Variants in EP300 observed in about 807,000 individuals in gnomAD.
EP300 encodes the protein EP300 lysine acetyltransferase, also known as histone acetyltransferase p300.
EP300 carries 31 observed loss-of-function variants against 264.0 expected under a neutral mutation model. The ratio of observed to expected loss-of-function variants is 0.12; its 90% CI spans 0.09 to 0.16. EP300 has a LOEUF of 0.16. Ranked by LOEUF, EP300 falls within the 10% of genes least tolerant of loss-of-function variation. The pLI, the probability that EP300 is intolerant of heterozygous loss-of-function variation, is 1.00. For missense variants in EP300, 2,766 were observed against 3,052.9 expected (o/e 0.91, Z 2.21); for synonymous variants, 1,340 against 1,045.4 (o/e 1.28, Z -5.44).
chr22:41,124,938 TTTTG>T (rs900888460), intron 2 of EP300, among the ~76,000 whole-genome samples: 19 of 152,148 alleles, frequency 1.2e-4, no homozygotes, highest in East Asian at 9.6e-4. Flanking sequence ...AGTGGGTTTT[TTTTG>T]TTTGTTTGTT....
chr22:41,109,608 G>A (rs1211659381), intron 1 of EP300, among the ~76,000 whole-genome samples: 1 of 152,118 alleles, frequency 6.6e-6, no homozygotes, highest in Non-Finnish European at 1.5e-5. Flanking sequence ...TGTGTGCCAG[G>A]TACTGTTCTA....
rs775974454 is a variant in EP300, at chr22:41,178,974, T to C, written c.*18T>C. Reference sequence around the variant, plus strand: ...TACACTAGAGACACCTTGTAGTATTTTGGGAGCAAAAAAATTATTTTCTCT... The same window carrying C: ...TACACTAGAGACACCTTGTAGTATTCTGGGAGCAAAAAAATTATTTTCTCT... On this transcript the variant is annotated 3_prime_UTR_variant, in exon 31 of 31. Coordinates refer to ENST00000263253, the MANE Select transcript of EP300 (RefSeq NM_001429.4). The C allele has an allele frequency of 6.4e-7, 1 of 1,561,850 alleles. No individual in the cohort carries two copies. The highest frequency in any genetic ancestry group is 8.8e-7 in the Non-Finnish European group (1 of 1,140,296).
intron 23 of EP300, 62 bp from the exon 24 acceptor site, chr22:41,168,387 G>A (rs971911318): frequency 6.3e-7 from 1 of 1,584,384 alleles, no homozygotes; most frequent in Non-Finnish European, 8.7e-7. Context: ...ATTTGAGGTT[G>A]AACCTTAAGA....
At chr22:41,150,285 T>TGGCCA in intron 14 of EP300, 87 bp downstream of exon 14, 1 of 1,420,680 alleles carries the variant, frequency 7.0e-7, no homozygotes, top group East Asian at 2.5e-5. Context: ...TCTCTTTTGC[T>TGGCCA]TTATCTCTTA....
rs147226168 is a variant in EP300 at position 41,102,583 on chromosome 22, G to A, written c.94+9485G>A. On this transcript the variant is annotated intron_variant, in intron 1 of 30. Coordinates refer to ENST00000263253, the MANE Select transcript of EP300 (RefSeq NM_001429.4). Reference sequence around the variant, plus strand: ...GACTTTCCATTTTACCCATTTAATGGATGGGGCAGAATTGTGCTTTAGGCA... The same window carrying A: ...GACTTTCCATTTTACCCATTTAATGAATGGGGCAGAATTGTGCTTTAGGCA... 3.4e-3 allele frequency among the ~76,000 whole-genome samples: 513 copies of A among 152,256 alleles called. 3 individuals are homozygous for A. The highest frequency in any genetic ancestry group is 0.012 in the African/African-American group (499 of 41,546).
intron 1 of EP300, among the ~76,000 whole-genome samples, chr22:41,107,587 T>C (rs762925188): frequency 3.9e-5 from 6 of 152,232 alleles, no homozygotes; most frequent in Non-Finnish European, 7.3e-5. Context: ...TTTTTAATGG[T>C]TCTAATTTTG....
chr22:41,148,751 C>T, intron 12 of EP300: 1 of 470,214 alleles, frequency 2.1e-6, no homozygotes, highest in South Asian at 2.2e-5. Context: ...TACCTGCTAT[C>T]CTTGTGCTAG....
intron 19 of EP300, chr22:41,159,840 T>C (rs1273275208): frequency 6.6e-6 from 1 of 151,830 alleles, no homozygotes; most frequent in African/African-American, 2.4e-5. Flanking sequence ...ATGCCTTGCT[T>C]ATTTTTGTAT....
At chr22:41,161,573 G>C (rs1307893477) in intron 20 of EP300, among the ~76,000 whole-genome samples, 1 of 152,022 alleles carries the variant, frequency 6.6e-6, no homozygotes, top group Admixed American at 6.6e-5. Flanking sequence ...GCTGAGATTG[G>C]GCCACTGCAT....
rs575522188 is a variant in EP300 at position 41,147,716 on chromosome 22, C to T, written c.2132-121C>T. 1,690 of 737,906 alleles carry T rather than the reference C, an allele frequency of 2.3e-3. 1 individual carries two copies. Among genetic ancestry groups the T allele is most frequent in the Non-Finnish European group, 3.3e-3 (1,411 of 431,818 alleles). The allele number at this position is 737,906 out of a possible 1,614,324, so 45.7% of individuals were successfully genotyped here. On this transcript the variant is annotated intron_variant, in intron 11 of 30. Transcript: ENST00000263253. ...TTGCGCCACTGCACTCCAGCCTGGG[C>T]GACAGAGCAAGACTCCGTCTCAAAA...
At chr22:41,167,570 GTGTGTGTGTGTGTGTA>G (rs1338170075) in intron 23 of EP300, among the ~76,000 whole-genome samples, 5 of 42,264 alleles carry the variant, frequency 1.2e-4, no homozygotes, top group African/African-American at 5.2e-4. Flanking sequence ...TTGTGTGTGT[GTGTGTGTGTGTGTGTA>G]TATATATATA....
chr22:41,104,706 AG>A, intron 1 of EP300, among the ~76,000 whole-genome samples: 1 of 152,190 alleles, frequency 6.6e-6, no homozygotes, highest in Non-Finnish European at 1.5e-5. Flanking sequence ...GATCAATTAA[AG>A]CACTTCACCT....
intron 1 of EP300, among the ~76,000 whole-genome samples, chr22:41,116,547 T>C (rs908898418): frequency 2.6e-5 from 4 of 152,322 alleles, no homozygotes; most frequent in African/African-American, 7.2e-5. Flanking sequence ...ACTCATCCTT[T>C]TTTATGGCTG....
chr22:41,092,755 G>T lies in EP300; in HGVS notation c.-250G>T, dbSNP rs2058679564. 25 of 612,014 alleles carry T rather than the reference G, an allele frequency of 4.1e-5. No individual in the cohort carries two copies. The South Asian group carries it at 4.9e-4, about 12-fold the overall frequency. 37.9% of individuals were successfully genotyped at this position (612,014 alleles called of 1,614,324 possible). A position where few individuals can be genotyped will look rare whatever the true frequency, so the allele number is the denominator to read the frequency against. On this transcript the variant is annotated 5_prime_UTR_variant, in exon 1 of 31. Transcript: ENST00000263253. ...CAGCGGACGCGCTCGGCGAATTTGT[G>T]CTCTTGTGCCCTCCTCCGGGCTTGG...
At chr22:41,173,335 C>A (rs181344194) in intron 28 of EP300, among the ~76,000 whole-genome samples, 26 of 152,182 alleles carry the variant, frequency 1.7e-4, no homozygotes, top group Admixed American at 1.7e-3. Flanking sequence ...CTTCCTTGTT[C>A]CCTAGCCCCA....
In EP300 at chr22:41,176,377, A is replaced by G. The variant is rs2145513020; in HGVS notation, c.4910A>G (p.Lys1637Arg). 1 of 1,614,214 alleles carries G rather than the reference A, an allele frequency of 6.2e-7. No homozygotes were observed. The highest frequency in any genetic ancestry group is 8.5e-7 in the Non-Finnish European group (1 of 1,180,044). The part of the protein sequence containing the change: ...RDAFLTLARD[K>R]HLEFSSLRRA... ...GCGTTTCTCACGCTGGCAAGGGACA[A>G]GCACCTGGAGTTCTCTTCACTCCGA... The change falls in exon 30 of 31, where the codon AAG (lysine) becomes AGG (arginine). Residue 1637 changes from lysine (K) to arginine (R), a missense_variant. Coordinates refer to ENST00000263253, the MANE Select transcript of EP300 (RefSeq NM_001429.4).
chr22:41,152,919 G>A (rs931287613), intron 16 of EP300, among the ~76,000 whole-genome samples: 4 of 151,980 alleles, frequency 2.6e-5, no homozygotes, highest in East Asian at 1.9e-4. Context: ...CACCATGCCC[G>A]TCTAATTTTT....
At chr22:41,170,873 C>T (rs2059166353) in intron 27 of EP300, among the ~76,000 whole-genome samples, 1 of 151,196 alleles carries the variant, frequency 6.6e-6, no homozygotes, top group Non-Finnish European at 1.5e-5. Flanking sequence ...CCGTGTTAGC[C>T]AGGATGGTCT....
At position 41,178,764 on chromosome 22, in the gene EP300, G is replaced by A. The variant is rs2145523616; in HGVS notation, c.7053G>A (p.Leu2351=). 6.2e-7 allele frequency: 1 copy of A among 1,614,094 alleles called. No individual in the cohort carries two copies. The part of the protein sequence containing the change: ...SPQTSSPHPG[L]VAAQANPMEQ... The stretch of plus-strand genomic sequence containing the variant: ...AGACAAGTTCCCCACATCCTGGACT[G>A]GTAGCTGCCCAGGCCAACCCCATGG... Residue 2351 remains leucine (L), a synonymous_variant, in exon 31 of 31, where the codon CTG becomes CTA. Coordinates refer to ENST00000263253, the MANE Select transcript of EP300 (RefSeq NM_001429.4).
Sources: gnomAD v4.1 joint callset for allele counts (sites outside exome capture counted in the v4.1 genomes callset) on GRCh38, gnomAD v4.1.1 for gene constraint, MANE v1.5 for transcripts, NCBI Gene and HGNC (gene_info 2026-07-23, HGNC 2026-07-21) for gene names.